The following ARHGEF10L variants were observed in gnomAD, a reference collection of about 807,000 sequenced individuals.
ARHGEF10L encodes the protein Rho guanine nucleotide exchange factor 10 like.
A neutral mutation model predicts 141.2 loss-of-function variants in ARHGEF10L; 69 were observed. The ratio of observed to expected loss-of-function variants is 0.49; its 90% CI spans 0.40 to 0.60. ARHGEF10L has a LOEUF of 0.60. Ranked by LOEUF, ARHGEF10L falls within the 20% of genes least tolerant of loss-of-function variation. ARHGEF10L has a pLI of 0.00. For synonymous variants in ARHGEF10L, 711 were observed against 718.5 expected, an observed-to-expected ratio of 0.99 and a Z score of 0.17; for missense variants, 1,482 against 1,734.3, an observed-to-expected ratio of 0.85 and a Z score of 2.58.
rs947074936 is a variant in ARHGEF10L, at chr1:17,664,678, T to C, written c.3009+83T>C. 2.9e-6 allele frequency: 4 copies of C among 1,397,330 alleles called. No individual in the cohort carries two copies. In the East Asian group the frequency reaches 8.2e-5, roughly 29 times the overall value. 86.6% of individuals were successfully genotyped at this position (1,397,330 alleles called of 1,614,324 possible). On this transcript the variant is annotated intron_variant, in intron 26 of 28. Coordinates refer to ENST00000361221, the MANE Select transcript of ARHGEF10L (RefSeq NM_018125.4). ...TTTCTTATGTCCACCCCGGCACCGCTTTCAGCTCCCAGTGGCATTCCAAGG... is the reference window on the plus strand; with the variant it reads ...TTTCTTATGTCCACCCCGGCACCGCCTTCAGCTCCCAGTGGCATTCCAAGG...
At chr1:17,606,903 G>A (rs2081229986) in intron 6 of ARHGEF10L, among the ~76,000 whole-genome samples, 1 of 152,210 alleles carries the variant, frequency 6.6e-6, no homozygotes, top group Non-Finnish European at 1.5e-5. Flanking sequence ...GGCCCCACGA[G>A]TGCCCTGGCC....
At chr1:17,641,980 TA>T (rs766761868) in intron 21 of ARHGEF10L, among the ~76,000 whole-genome samples, 1 of 138,670 alleles carries the variant, frequency 7.2e-6, no homozygotes. Flanking sequence ...GACTCCGTCT[TA>T]AAAAAAAAGA....
chr1:17,553,195 GCCTGGGTTCTAATC>G (rs1484279731), intron 1 of ARHGEF10L, among the ~76,000 whole-genome samples: 3 of 152,186 alleles, frequency 2.0e-5, no homozygotes, highest in Non-Finnish European at 2.9e-5. Flanking sequence ...GGAGCCAGTT[GCCTGGGTTCTAATC>G]CCACTTCTTC....
At chr1:17,616,570 C>G (rs2059818498) in intron 9 of ARHGEF10L, among the ~76,000 whole-genome samples, 1 of 152,238 alleles carries the variant, frequency 6.6e-6, no homozygotes, top group African/African-American at 2.4e-5. Flanking sequence ...CTCCAACCAG[C>G]TGACATTTAC....
chr1:17,690,199 AT>A (rs1327101800), intron 27 of ARHGEF10L, among the ~76,000 whole-genome samples: 1 of 152,162 alleles, frequency 6.6e-6, no homozygotes, highest in African/African-American at 2.4e-5. Context: ...TTCCCCATTC[AT>A]ATAACAAAGG....
At chr1:17,575,613 A>G (rs1317095397) in intron 1 of ARHGEF10L, among the ~76,000 whole-genome samples, 1 of 152,182 alleles carries the variant, frequency 6.6e-6, no homozygotes, top group African/African-American at 2.4e-5. Context: ...GAGGGGGCGA[A>G]TCTTGGAGGG....
At chr1:17,597,983 G>A (rs550110115) in intron 4 of ARHGEF10L, among the ~76,000 whole-genome samples, 4 of 152,294 alleles carry the variant, frequency 2.6e-5, no homozygotes, top group Non-Finnish European at 4.4e-5. Flanking sequence ...GCATTCTTTC[G>A]GTTAAAGCGT....
rs1185569344 is a variant in ARHGEF10L at position 17,573,928 on chromosome 1, G to A, written c.-43-6625G>A. Among the ~76,000 whole-genome samples, 2 of 152,176 alleles carry A rather than the reference G, an allele frequency of 1.3e-5. No individual in the cohort carries two copies. Among genetic ancestry groups the A allele is most frequent in the African/African-American group, 4.8e-5 (2 of 41,458 alleles). ...CAAACTTGGCCCCTGCCCCAGTGAG[G>A]CAGGCCCCCTTCTCAGAGCTCCCCT... On this transcript the variant is annotated intron_variant, in intron 1 of 28. Transcript: ENST00000361221. The surrounding 1 kb of genome is among the most constrained non-coding windows in gnomAD (Gnocchi z 4.8).
upstream of ARHGEF10L, among the ~76,000 whole-genome samples, chr1:17,537,601 C>T (rs781780519): frequency 6.6e-6 from 1 of 152,074 alleles, no homozygotes; most frequent in Non-Finnish European, 1.5e-5. Flanking sequence ...GAAAAGGCCT[C>T]CTGGAGATTC....
chr1:17,518,968 G>A, the ARHGEF10L span, among the ~76,000 whole-genome samples: 2,285 of 151,756 alleles, frequency 0.015, 59 homozygotes, highest in African/African-American at 0.052. Flanking sequence ...CTGGGAGTTC[G>A]AGACCAGCCC....
chr1:17,540,673 T>A (rs1333302855), intron 1 of ARHGEF10L, among the ~76,000 whole-genome samples: 1 of 152,096 alleles, frequency 6.6e-6, no homozygotes, highest in Admixed American at 6.5e-5. Context: ...GGGTCTCGAA[T>A]CTTCCTTTGG....
chr1:17,612,596 T>C (rs991382858), intron 7 of ARHGEF10L, among the ~76,000 whole-genome samples: 1 of 152,190 alleles, frequency 6.6e-6, no homozygotes, highest in African/African-American at 2.4e-5. Flanking sequence ...TACCCACTTA[T>C]CCATTTATCC....
At chr1:17,593,510 G>A (rs997018275) in intron 4 of ARHGEF10L, among the ~76,000 whole-genome samples, 1 of 152,182 alleles carries the variant, frequency 6.6e-6, no homozygotes, top group Non-Finnish European at 1.5e-5. Flanking sequence ...AGGAGGGCCA[G>A]AGTCAGAAAG....
chr1:17,675,000 C>A (rs2063554271), intron 26 of ARHGEF10L, among the ~76,000 whole-genome samples: 6 of 152,116 alleles, frequency 3.9e-5, no homozygotes, highest in Admixed American at 3.3e-4. Context: ...TGTCGTTAAG[C>A]AACACGTGGC....
chr1:17,522,161 G>A, the ARHGEF10L span, among the ~76,000 whole-genome samples: 196 of 152,282 alleles, frequency 1.3e-3, no homozygotes, highest in African/African-American at 4.4e-3. Flanking sequence ...GGTGGGAGGG[G>A]CCTGGGCCCT....
chr1:17,687,896 G>T, intron 27 of ARHGEF10L, 149 bp downstream of exon 27: 1 of 896,010 alleles, frequency 1.1e-6, no homozygotes, highest in East Asian at 2.9e-5. Flanking sequence ...GGAAGTGGTG[G>T]GGTTGGGATT....
chr1:17,694,902 A>T (rs182376377), intron 27 of ARHGEF10L: 20 of 653,582 alleles, frequency 3.1e-5, no homozygotes, highest in Admixed American at 2.9e-4. Context: ...TGTTCCCCCA[A>T]TGCATCCGTA....
intron 26 of ARHGEF10L, among the ~76,000 whole-genome samples, chr1:17,677,004 CTG>C (rs1368619517): frequency 6.6e-6 from 1 of 152,072 alleles, no homozygotes; most frequent in East Asian, 1.9e-4. Context: ...AAACAGGACT[CTG>C]GGCATCTCCC....
intron 8 of ARHGEF10L, 117 bp downstream of exon 8, chr1:17,613,291 C>A: frequency 1.2e-6 from 1 of 807,878 alleles, no homozygotes; most frequent in East Asian, 2.5e-5. Context: ...CCCTTGAGTC[C>A]CAGGGCTGTC....
Sources: allele counts gnomAD v4.1 joint callset (sites outside exome capture counted in the v4.1 genomes callset), GRCh38; gene constraint gnomAD v4.1.1; non-coding constraint Gnocchi (gnomAD v3.1); transcripts MANE v1.5; gene names NCBI Gene and HGNC (gene_info 2026-07-23, HGNC 2026-07-21).